Variants in PCSK2 observed in about 807,000 individuals in gnomAD.
PCSK2 encodes the protein proprotein convertase subtilisin/kexin type 2, also known as neuroendocrine convertase 2.
Under a neutral mutation model 69.7 loss-of-function variants are expected in PCSK2, and 14 were observed. The ratio of observed to expected loss-of-function variants is 0.20; its 90% CI spans 0.13 to 0.31. PCSK2 has a LOEUF of 0.31. Ranked by LOEUF, PCSK2 falls within the 10% of genes least tolerant of loss-of-function variation. The pLI, the probability that PCSK2 is intolerant of heterozygous loss-of-function variation, is 1.00. For missense variants in PCSK2, 544 were observed against 842.5 expected, an observed-to-expected ratio of 0.65 and a Z score of 4.39; for synonymous variants, 307 against 320.7, an observed-to-expected ratio of 0.96 and a Z score of 0.46.
At chr20:17,250,841 TG>T (rs1021105737) in intron 1 of PCSK2, among the ~76,000 whole-genome samples, 1 of 152,180 alleles carries the variant, frequency 6.6e-6, no homozygotes, top group Non-Finnish European at 1.5e-5. Context: ...GGCTCACACC[TG>T]TAATCCCAGC....
intron 1 of PCSK2, among the ~76,000 whole-genome samples, chr20:17,250,621 C>A (rs1986938891): frequency 1.3e-5 from 2 of 152,122 alleles, no homozygotes; most frequent in Admixed American, 1.3e-4. Flanking sequence ...TATTCAATGT[C>A]CATCATTTCT....
At chr20:17,471,885 C>G (rs1213107236) in intron 11 of PCSK2, among the ~76,000 whole-genome samples, 1 of 152,198 alleles carries the variant, frequency 6.6e-6, no homozygotes, top group African/African-American at 2.4e-5. Flanking sequence ...AATCGCCACT[C>G]TCCATAATGT....
intron 2 of PCSK2, among the ~76,000 whole-genome samples, chr20:17,294,591 T>C (rs1988826847): frequency 6.6e-6 from 1 of 152,198 alleles, no homozygotes; most frequent in Non-Finnish European, 1.5e-5. Context: ...GTAAAATATA[T>C]CACATGTTCT....
At chr20:17,303,469 TATTA>T (rs1355586784) in intron 2 of PCSK2, among the ~76,000 whole-genome samples, 8 of 57,918 alleles carry the variant, frequency 1.4e-4, no homozygotes, top group African/African-American at 4.5e-4. Flanking sequence ...ATATAATATA[TATTA>T]TATATAATAT....
intron 5 of PCSK2, among the ~76,000 whole-genome samples, chr20:17,391,983 G>GAAGGAAGGA (rs35751867): frequency 6.9e-4 from 104 of 150,480 alleles, no homozygotes; most frequent in African/African-American, 2.4e-3. Context: ...GAAGGGAAGG[G>GAAGGAAGGA]AAGGAAGGAA....
At chr20:17,237,482 T>C (rs1175285009) in intron 1 of PCSK2, among the ~76,000 whole-genome samples, 1 of 152,016 alleles carries the variant, frequency 6.6e-6, no homozygotes, top group African/African-American at 2.4e-5. Context: ...GAGTCAGAAC[T>C]TGGACGGTTA....
rs999410235 is a variant in PCSK2, at chr20:17,453,912, T to G, written c.1056T>G (p.Ala352=). Residue 352 remains alanine, a synonymous_variant, in exon 9 of 12, where the codon GCT becomes GCG. Transcript: ENST00000262545. The surrounding 1 kb of genome is among the most constrained non-coding windows in gnomAD (Gnocchi z 4.0). ...ACGAGAGCTGCTCTTCCACCTTGGC[T>G]TCCACCTTCAGCAACGGGAGGAAAA... ...LYDESCSSTL[A]STFSNGRKRN... is the part of the protein sequence containing the mutation. 5 of 1,614,100 alleles carry G rather than the reference T, an allele frequency of 3.1e-6. No homozygotes were observed. Among genetic ancestry groups the G allele is most frequent in the African/African-American group, 1.3e-5 (1 of 74,924 alleles).
At chr20:17,354,560 G>C (rs1600516504) in intron 2 of PCSK2, among the ~76,000 whole-genome samples, 1 of 152,082 alleles carries the variant, frequency 6.6e-6, no homozygotes, top group African/African-American at 2.4e-5. Flanking sequence ...TTCTAAAATA[G>C]TTTATAACCC....
intron 6 of PCSK2, among the ~76,000 whole-genome samples, chr20:17,414,164 G>C (rs2031943014): frequency 6.6e-6 from 1 of 152,000 alleles, no homozygotes; most frequent in Non-Finnish European, 1.5e-5. Flanking sequence ...CTAGCAGAAG[G>C]CAAGAAATAA....
intron 7 of PCSK2, among the ~76,000 whole-genome samples, chr20:17,430,419 C>T (rs1175750044): frequency 6.6e-6 from 1 of 151,922 alleles, no homozygotes; most frequent in Non-Finnish European, 1.5e-5. Flanking sequence ...ATTTTCTTTT[C>T]CTGGCAATTT....
chr20:17,350,908 C>T (rs780108029), intron 2 of PCSK2, among the ~76,000 whole-genome samples: 2 of 151,906 alleles, frequency 1.3e-5, no homozygotes, highest in East Asian at 1.9e-4. Context: ...GGCATGGTGG[C>T]GAATGGCTGT....
chr20:17,324,531 C>T lies in PCSK2; in HGVS notation c.283-33796C>T, dbSNP rs1989981950. Among the ~76,000 whole-genome samples, 10 of 152,270 alleles carry T rather than the reference C, an allele frequency of 6.6e-5. No homozygotes were observed. In the South Asian group the frequency reaches 2.1e-3, roughly 32 times the overall value. ...ACCAGGCTGATTTAGAGACGAGTAA[C>T]CAAGGCCCTACCATAAGAACCATCG... On this transcript the variant is annotated intron_variant, in intron 2 of 11. Coordinates refer to ENST00000262545, the MANE Select transcript of PCSK2 (RefSeq NM_002594.5).
At chr20:17,303,137 G>A (rs1227349777) in intron 2 of PCSK2, among the ~76,000 whole-genome samples, 2 of 147,282 alleles carry the variant, frequency 1.4e-5, no homozygotes, top group Non-Finnish European at 3.0e-5. Flanking sequence ...CTCTTGCCAG[G>A]CAAAGGGATG....
At chr20:17,423,965 A>G (rs1457034452) in intron 6 of PCSK2, among the ~76,000 whole-genome samples, 1 of 152,232 alleles carries the variant, frequency 6.6e-6, no homozygotes, top group Non-Finnish European at 1.5e-5. Flanking sequence ...ATCAATGTTG[A>G]AAAGGATTGA....
intron 1 of PCSK2, among the ~76,000 whole-genome samples, chr20:17,230,128 G>T (rs1027391137): frequency 1.3e-5 from 2 of 151,978 alleles, no homozygotes; most frequent in Non-Finnish European, 2.9e-5. Context: ...ATACTGTTTT[G>T]TACTTTTGCC....
chr20:17,406,863 G>A (rs562700147), intron 5 of PCSK2, among the ~76,000 whole-genome samples: 11 of 152,198 alleles, frequency 7.2e-5, no homozygotes, highest in East Asian at 1.9e-4. Flanking sequence ...CTCCAGAAGC[G>A]CCCTCAAGCT....
chr20:17,371,161 G>C (rs867951781), intron 5 of PCSK2, among the ~76,000 whole-genome samples: 4 of 152,162 alleles, frequency 2.6e-5, no homozygotes, highest in African/African-American at 9.7e-5. Flanking sequence ...AGGGCACATG[G>C]CCTGTCTCCT....
intron 2 of PCSK2, among the ~76,000 whole-genome samples, chr20:17,301,212 T>C (rs1989071568): frequency 6.6e-6 from 1 of 152,194 alleles, no homozygotes; most frequent in Admixed American, 6.5e-5. Flanking sequence ...GGATAAAATT[T>C]CCAGCACTGG....
intron 2 of PCSK2, among the ~76,000 whole-genome samples, chr20:17,346,914 C>A (rs919625574): frequency 6.6e-6 from 1 of 152,154 alleles, no homozygotes; most frequent in Non-Finnish European, 1.5e-5. Flanking sequence ...TGGCACCTCG[C>A]TCCACAAGAA....
Sources: allele counts gnomAD v4.1 joint callset (sites outside exome capture counted in the v4.1 genomes callset), GRCh38; gene constraint gnomAD v4.1.1; non-coding constraint Gnocchi (gnomAD v3.1); transcripts MANE v1.5; gene names NCBI Gene and HGNC (gene_info 2026-07-23, HGNC 2026-07-21).